The following ZNRF1 variants were observed in gnomAD, a reference collection of about 807,000 sequenced individuals.
ZNRF1 encodes the protein zinc and ring finger 1.
ZNRF1 carries 3 observed loss-of-function variants against 18.4 expected under a neutral mutation model. That is an observed-to-expected ratio of 0.16 (90% confidence interval 0.07 to 0.42). The LOEUF (loss-of-function observed/expected upper bound fraction) is 0.42. ZNRF1 is among the 10% of genes least tolerant of loss of function. ZNRF1 has a pLI of 0.99. For synonymous variants in ZNRF1, 157 were observed against 144.2 expected (o/e 1.09, Z -0.64); for missense variants, 310 against 329.8 (o/e 0.94, Z 0.47).
At chr16:75,019,464 G>A (rs2035115844) in intron 1 of ZNRF1, among the ~76,000 whole-genome samples, 1 of 152,062 alleles carries the variant, frequency 6.6e-6, no homozygotes, top group South Asian at 2.1e-4. Context: ...GATAATCACA[G>A]AACAGTCTGT....
rs73614015 is a variant in ZNRF1, at chr16:75,034,533, C to T, written c.424+34438C>T. 9.9e-3 allele frequency among the ~76,000 whole-genome samples: 1,513 copies of T among 152,336 alleles called. 29 individuals are homozygous for T. The highest frequency in any genetic ancestry group is 0.035 in the African/African-American group (1,438 of 41,574). ...CATTCATGCATTGCATTTATGGACA[C>T]TTGAGTTCCTTCTGCCTTTGGATAT... is the stretch of plus-strand genomic sequence containing the variant. On this transcript the variant is annotated intron_variant, in intron 1 of 4. Coordinates refer to ENST00000335325, the MANE Select transcript of ZNRF1 (RefSeq NM_032268.5).
chr16:75,076,114 T>C (rs2035937838), intron 1 of ZNRF1, among the ~76,000 whole-genome samples: 1 of 152,256 alleles, frequency 6.6e-6, no homozygotes, highest in African/African-American at 2.4e-5. Flanking sequence ...TGATTCAGTT[T>C]TCTTCTTCCT....
At chr16:75,098,321 T>C (rs374165603) in intron 2 of ZNRF1, among the ~76,000 whole-genome samples, 1 of 152,180 alleles carries the variant, frequency 6.6e-6, no homozygotes, top group East Asian at 1.9e-4. Context: ...GGGAGGGAGC[T>C]GTAGTGGCCT....
intron 1 of ZNRF1, among the ~76,000 whole-genome samples, chr16:75,037,340 TTTTTG>T (rs1009845339): frequency 3.9e-5 from 6 of 152,036 alleles, no homozygotes; most frequent in African/African-American, 9.7e-5. Context: ...CTCTTTTGTT[TTTTTG>T]TTTTGTTTTG....
chr16:75,093,611 A>C lies in ZNRF1; in HGVS notation c.464A>C (p.Asp155Ala), dbSNP rs767373167. ...ATTTGCTCCAAGTCTGTGGCTTCTG[A>C]CGAGATGGAAATGCACTTTATAATG... ...CPICSKSVAS[D>A]EMEMHFIMCL... Residue 155 changes from aspartate to alanine, a missense_variant, in exon 2 of 5, where the codon GAC (aspartate) becomes GCC (alanine). Asp to Ala is a moderately radical substitution (Grantham distance 126). This residue lies in a region of ZNRF1 where 293 missense variants were observed against 291.2 expected (regional missense o/e 1.01). Transcript: ENST00000335325. 4.5e-5 allele frequency: 72 copies of C among 1,613,934 alleles called. 2 individuals are homozygous for C. The East Asian group carries it at 1.6e-3, about 35-fold the overall frequency.
intron 2 of ZNRF1, among the ~76,000 whole-genome samples, chr16:75,102,396 G>C (rs1002777531): frequency 2.6e-5 from 4 of 152,150 alleles, no homozygotes; most frequent in African/African-American, 9.7e-5. Flanking sequence ...TTGGAAGATG[G>C]TGATGCTCAA....
At chr16:75,000,377 C>T in intron 1 of ZNRF1, 3 of 619,022 alleles carry the variant, frequency 4.8e-6, no homozygotes, top group Non-Finnish European at 9.0e-6. Context: ...CATCACCCTC[C>T]TCAGAGAAGA....
chr16:75,105,230 C>T (rs2036301062), intron 3 of ZNRF1: 1 of 271,464 alleles, frequency 3.7e-6, no homozygotes, highest in Non-Finnish European at 7.3e-6. Flanking sequence ...CCTCTTCTTC[C>T]TCTACGGGTC....
At chr16:75,051,091 C>T (rs1203579848) in intron 1 of ZNRF1, among the ~76,000 whole-genome samples, 1 of 151,028 alleles carries the variant, frequency 6.6e-6, no homozygotes, top group East Asian at 1.9e-4. Context: ...GTCCCAGTTA[C>T]TCAGGAGGCT....
chr16:75,085,063 G>T (rs949724014), intron 1 of ZNRF1, among the ~76,000 whole-genome samples: 1 of 152,072 alleles, frequency 6.6e-6, no homozygotes, highest in African/African-American at 2.4e-5. Context: ...TGCAGACAAT[G>T]AAATCTCAAA....
intron 3 of ZNRF1, 122 bp downstream of exon 3, chr16:75,105,011 C>T (rs1188824329): frequency 8.9e-6 from 7 of 785,054 alleles, no homozygotes; most frequent in African/African-American, 1.7e-5. Flanking sequence ...TGGCTCCGAG[C>T]GGGTAAGGGC....
At chr16:75,002,895 A>G (rs1004643655) in intron 1 of ZNRF1, among the ~76,000 whole-genome samples, 3 of 152,220 alleles carry the variant, frequency 2.0e-5, no homozygotes, top group Non-Finnish European at 4.4e-5. Flanking sequence ...TAGGGCTTAG[A>G]GACCACTCTT....
intron 1 of ZNRF1, among the ~76,000 whole-genome samples, chr16:75,054,559 C>T (rs976867430): frequency 1.3e-5 from 2 of 152,232 alleles, no homozygotes; most frequent in Non-Finnish European, 2.9e-5. Context: ...GTGGGCTTCT[C>T]AGTCCTCATG....
intron 2 of ZNRF1, among the ~76,000 whole-genome samples, chr16:75,099,143 G>A (rs1027932955): frequency 4.6e-5 from 7 of 152,204 alleles, no homozygotes; most frequent in South Asian, 2.1e-4. Flanking sequence ...GGGCCAGGTC[G>A]CTGGGTGGCA....
intron 2 of ZNRF1, among the ~76,000 whole-genome samples, chr16:75,103,195 A>G (rs1021653219): frequency 2.0e-5 from 3 of 152,170 alleles, no homozygotes; most frequent in Non-Finnish European, 4.4e-5. Context: ...GCAGAATGCC[A>G]TAGGACTTAA....
intron 1 of ZNRF1, among the ~76,000 whole-genome samples, chr16:75,027,839 C>T (rs1318116066): frequency 6.6e-6 from 1 of 152,304 alleles, no homozygotes; most frequent in Non-Finnish European, 1.5e-5. Context: ...CTAATGCTGT[C>T]TGGGAATCCT....
At chr16:75,066,567 A>G (rs935470167) in intron 1 of ZNRF1, among the ~76,000 whole-genome samples, 2 of 152,158 alleles carry the variant, frequency 1.3e-5, no homozygotes, top group Admixed American at 6.5e-5. Context: ...CAGTGGCGCG[A>G]TGTCAGGTTA....
At chr16:75,028,437 C>G (rs2035254561) in intron 1 of ZNRF1, among the ~76,000 whole-genome samples, 9 of 152,060 alleles carry the variant, frequency 5.9e-5, no homozygotes, top group Admixed American at 5.9e-4. Context: ...GGGATTACAA[C>G]CATGTGCCAT....
chr16:75,023,268 A>G (rs766792933), intron 1 of ZNRF1, among the ~76,000 whole-genome samples: 38 of 152,178 alleles, frequency 2.5e-4, no homozygotes, highest in Non-Finnish European at 5.1e-4. Context: ...GCTATAGAAC[A>G]GTTAAAGATT....
Sources: gnomAD v4.1 joint callset for allele counts (sites outside exome capture counted in the v4.1 genomes callset) on GRCh38, gnomAD v4.1.1 for gene constraint, gnomAD v4.1.1 regional missense constraint, MANE v1.5 for transcripts, NCBI Gene and HGNC (gene_info 2026-07-23, HGNC 2026-07-21) for gene names.